Variants in SLC36A1 observed in about 807,000 individuals in gnomAD.
SLC36A1 encodes the protein proton-coupled amino acid transporter 1.
Under a neutral mutation model 47.5 loss-of-function variants are expected in SLC36A1, and 30 were observed. The observed-to-expected ratio is 0.63, with a 90% CI of 0.47 to 0.86. The LOEUF (loss-of-function observed/expected upper bound fraction) is 0.86. Ranked by LOEUF, SLC36A1 falls within the 40% of genes least tolerant of loss-of-function variation. The pLI, the probability that SLC36A1 is intolerant of heterozygous loss-of-function variation, is 0.00. For missense variants in SLC36A1, 517 were observed against 606.0 expected (o/e 0.85, Z 1.54); for synonymous variants, 255 against 249.7 (o/e 1.02, Z -0.20).
At chr5:151,541,481 G>C in the SLC36A1 span, among the ~76,000 whole-genome samples, 1 of 152,202 alleles carries the variant, frequency 6.6e-6, no homozygotes, top group African/African-American at 2.4e-5. Context: ...TCGGGAGTCT[G>C]TGGTTCTTGG....
At position 151,488,491 on chromosome 5, in the gene SLC36A1, T is replaced by C. The variant is rs1665867775; in HGVS notation, c.*237T>C. 1.8e-6 allele frequency: 1 copy of C among 555,442 alleles called. No individual in the cohort carries two copies. The highest frequency in any genetic ancestry group is 3.2e-6 in the Non-Finnish European group (1 of 313,850). The allele number at this position is 555,442 out of a possible 1,614,324, so 34.4% of individuals were successfully genotyped here. ...GGCTGCCATCGCTCACCTGTACCTATTTACACCCAGAACTTTCCAGCTCCC... is the reference window on the plus strand; with the variant it reads ...GGCTGCCATCGCTCACCTGTACCTACTTACACCCAGAACTTTCCAGCTCCC... On this transcript the variant is annotated 3_prime_UTR_variant, in exon 11 of 11. Transcript: ENST00000243389.
At chr5:151,400,159 T>C in the SLC36A1 span, among the ~76,000 whole-genome samples, 1 of 152,122 alleles carries the variant, frequency 6.6e-6, no homozygotes, top group Non-Finnish European at 1.5e-5. Context: ...CTTGCTCCCC[T>C]TCCTCCCCCG....
the SLC36A1 span, chr5:151,537,995 G>A: frequency 1.3e-6 from 2 of 1,560,386 alleles, no homozygotes; most frequent in South Asian, 2.4e-5. Context: ...ACTGCATTCA[G>A]ATCCAGAGAG....
chr5:151,399,080 ATATATTTT>A, the SLC36A1 span, among the ~76,000 whole-genome samples: 1 of 84,752 alleles, frequency 1.2e-5, no homozygotes, highest in African/African-American at 7.2e-5. Flanking sequence ...ATATATATAT[ATATATTTT>A]TTTTTTTTTT....
the SLC36A1 span, chr5:151,527,324 C>A: frequency 1.7e-5 from 27 of 1,613,316 alleles, no homozygotes; most frequent in African/African-American, 2.5e-4. Flanking sequence ...TGTCCTCATG[C>A]AGTGGAGGCT....
chr5:151,420,379 A>G, the SLC36A1 span, among the ~76,000 whole-genome samples: 6 of 152,200 alleles, frequency 3.9e-5, no homozygotes, highest in Non-Finnish European at 8.8e-5. Flanking sequence ...GAAGCCACAC[A>G]GTGAGCTGAG....
At chr5:151,405,337 C>CTCTTT in the SLC36A1 span, among the ~76,000 whole-genome samples, 1 of 138,042 alleles carries the variant, frequency 7.2e-6, no homozygotes, top group African/African-American at 2.8e-5. Context: ...CTCTCCCTCT[C>CTCTTT]TTTCTCTTTT....
intron 9 of SLC36A1, among the ~76,000 whole-genome samples, chr5:151,478,532 A>G (rs1021088445): frequency 6.6e-6 from 1 of 152,230 alleles, no homozygotes; most frequent in Non-Finnish European, 1.5e-5. Context: ...ATCTAATTCT[A>G]GGGACACTGA....
downstream of SLC36A1, among the ~76,000 whole-genome samples, chr5:151,497,043 A>C (rs1032423360): frequency 2.0e-5 from 3 of 152,184 alleles, no homozygotes; most frequent in Admixed American, 6.5e-5. Flanking sequence ...CTATTTAGAC[A>C]ACCATGTTGT....
the SLC36A1 span, among the ~76,000 whole-genome samples, chr5:151,385,857 G>T: frequency 9.3e-5 from 13 of 140,184 alleles, no homozygotes; most frequent in African/African-American, 3.5e-4. Context: ...TAAGAACAGA[G>T]GTTTCCTTCT....
chr5:151,519,518 G>C, the SLC36A1 span, among the ~76,000 whole-genome samples: 1 of 152,082 alleles, frequency 6.6e-6, no homozygotes, highest in Non-Finnish European at 1.5e-5. Context: ...AAGTTCTCTC[G>C]GAGAATCTGA....
the SLC36A1 span, chr5:151,538,078 G>A: frequency 1.5e-6 from 1 of 656,150 alleles, no homozygotes; most frequent in Non-Finnish European, 2.5e-6. Flanking sequence ...AAGAGAGACA[G>A]AAAAAAGAAC....
At chr5:151,384,985 T>TGC in the SLC36A1 span, among the ~76,000 whole-genome samples, 9 of 120,612 alleles carry the variant, frequency 7.5e-5, no homozygotes, top group Admixed American at 3.8e-4. Flanking sequence ...TGTGTGTGTG[T>TGC]GGGTGTGTGA....
the SLC36A1 span, among the ~76,000 whole-genome samples, chr5:151,423,530 CA>C: frequency 6.6e-6 from 1 of 152,036 alleles, no homozygotes; most frequent in South Asian, 2.1e-4. Context: ...TGAAAGAAAC[CA>C]ATCTGAAAAG....
At chr5:151,535,384 T>C in the SLC36A1 span, among the ~76,000 whole-genome samples, 1 of 151,586 alleles carries the variant, frequency 6.6e-6, no homozygotes, top group Non-Finnish European at 1.5e-5. Flanking sequence ...CCCCAGAGAG[T>C]CTCCTGCCTT....
chr5:151,422,434 G>T, the SLC36A1 span, among the ~76,000 whole-genome samples: 3 of 152,122 alleles, frequency 2.0e-5, no homozygotes, highest in Admixed American at 6.5e-5. Flanking sequence ...TGGACAAAAG[G>T]GCCTGGAACA....
At chr5:151,384,750 A>T in the SLC36A1 span, among the ~76,000 whole-genome samples, 1 of 152,152 alleles carries the variant, frequency 6.6e-6, no homozygotes, top group Non-Finnish European at 1.5e-5. Flanking sequence ...GCTCTTTGTT[A>T]TGTTGAGCTT....
the SLC36A1 span, chr5:151,532,043 G>A: frequency 2.6e-6 from 4 of 1,561,972 alleles, no homozygotes; most frequent in African/African-American, 2.7e-5. Flanking sequence ...AAACCCTGCA[G>A]CCACAGGAGG....
chr5:151,510,084 C>T, the SLC36A1 span: 15 of 1,614,042 alleles, frequency 9.3e-6, no homozygotes, highest in Non-Finnish European at 1.3e-5. Flanking sequence ...GATGCAAGTT[C>T]CACCTTCCAG....
Sources: gnomAD v4.1 joint callset for allele counts (sites outside exome capture counted in the v4.1 genomes callset) on GRCh38, gnomAD v4.1.1 for gene constraint, MANE v1.5 for transcripts, NCBI Gene and HGNC (gene_info 2026-07-23, HGNC 2026-07-21) for gene names.